The following TMC1 variants were observed in gnomAD, a reference collection of about 807,000 sequenced individuals.
TMC1 encodes transmembrane channel like 1, also known as transmembrane channel-like protein 1.
In TMC1, 84 loss-of-function variants were observed where a neutral mutation model predicts 105.8. The ratio of observed to expected loss-of-function variants is 0.79; its 90% confidence interval spans 0.67 to 0.95. The LOEUF is 0.95. TMC1 is among the 40% of genes least tolerant of loss of function. The pLI, the probability that TMC1 is intolerant of heterozygous loss-of-function variation, is 0.00. For missense variants in TMC1, 817 were observed against 914.1 expected (o/e 0.89, Z 1.37); for synonymous variants, 315 against 311.5 (o/e 1.01, Z -0.12).
chr9:72,744,123 T>C (rs1232266733), intron 10 of TMC1, among the ~76,000 whole-genome samples: 1 of 152,210 alleles, frequency 6.6e-6, no homozygotes, highest in African/African-American at 2.4e-5. Flanking sequence ...ATGGGAATTA[T>C]TAAGTGGCAA....
intron 1 of TMC1, among the ~76,000 whole-genome samples, chr9:72,550,113 G>T (rs1042177163): frequency 1.3e-5 from 2 of 152,020 alleles, no homozygotes; most frequent in East Asian, 3.9e-4. Context: ...AGGACAAATT[G>T]CCCTGATATC....
chr9:72,610,242 A>G (rs1825001975), intron 2 of TMC1, among the ~76,000 whole-genome samples: 2 of 152,226 alleles, frequency 1.3e-5, no homozygotes, highest in African/African-American at 2.4e-5. Flanking sequence ...AGAAGATTAT[A>G]TTAGTCAGGG....
intron 12 of TMC1, among the ~76,000 whole-genome samples, chr9:72,759,631 C>G (rs1007563796): frequency 6.6e-6 from 1 of 152,124 alleles, no homozygotes; most frequent in African/African-American, 2.4e-5. Context: ...GACTCTGAAG[C>G]CTAGGACAAG....
intron 19 of TMC1, among the ~76,000 whole-genome samples, chr9:72,817,639 TTC>T (rs1356848523): frequency 6.6e-6 from 1 of 152,210 alleles, no homozygotes; most frequent in Non-Finnish European, 1.5e-5. Context: ...GTCGATTGTG[TTC>T]TTTCAGAGTT....
intron 2 of TMC1, among the ~76,000 whole-genome samples, chr9:72,598,836 G>T (rs1038671213): frequency 3.9e-5 from 6 of 152,250 alleles, no homozygotes; most frequent in Admixed American, 3.9e-4. Flanking sequence ...TCCTTTTCCT[G>T]TACATTTGGG....
At chr9:72,689,561 A>C (rs1278805396) in intron 6 of TMC1, among the ~76,000 whole-genome samples, 1 of 152,050 alleles carries the variant, frequency 6.6e-6, no homozygotes, top group Non-Finnish European at 1.5e-5. Context: ...TTCCTACTAT[A>C]ATTATATTGC....
intron 8 of TMC1, among the ~76,000 whole-genome samples, chr9:72,725,339 A>G (rs899209913): frequency 0.01 from 928 of 89,086 alleles, 22 homozygotes; most frequent in African/African-American, 0.032. Context: ...ATATATATAT[A>G]TATATATATA....
At chr9:72,679,432 G>C (rs534196158) in intron 5 of TMC1, among the ~76,000 whole-genome samples, 2 of 151,554 alleles carry the variant, frequency 1.3e-5, no homozygotes, top group African/African-American at 4.8e-5. Flanking sequence ...ACTTAAACAA[G>C]AGCATTTGTT....
chr9:72,726,419 C>T (rs1255422059), intron 8 of TMC1, among the ~76,000 whole-genome samples: 1 of 152,098 alleles, frequency 6.6e-6, no homozygotes, highest in Non-Finnish European at 1.5e-5. Flanking sequence ...TGCTTGGTCA[C>T]AGGGATCAGG....
At chr9:72,627,036 T>TTG (rs1380657022) in intron 3 of TMC1, among the ~76,000 whole-genome samples, 1 of 152,014 alleles carries the variant, frequency 6.6e-6, no homozygotes, top group Non-Finnish European at 1.5e-5. Flanking sequence ...GTTGGTTTTT[T>TTG]TTTTTTTTTT....
intron 11 of TMC1, among the ~76,000 whole-genome samples, 190 bp downstream of exon 11, chr9:72,752,146 G>C (rs1827590290): frequency 6.6e-6 from 1 of 152,132 alleles, no homozygotes; most frequent in Non-Finnish European, 1.5e-5. Context: ...TAAAGGGGGT[G>C]TAAGCCTCTT....
intron 1 of TMC1, among the ~76,000 whole-genome samples, chr9:72,563,384 T>TC (rs1824091922): frequency 1.3e-5 from 2 of 152,138 alleles, no homozygotes; most frequent in Admixed American, 6.5e-5. Flanking sequence ...AAGAGCAGAC[T>TC]CCAAGGGGCC....
chr9:72,692,892 G>A lies in TMC1; in HGVS notation c.65-1651G>A, dbSNP rs377539121. 1.7e-4 allele frequency among the ~76,000 whole-genome samples: 26 copies of A among 152,234 alleles called. No homozygotes were observed. The East Asian group carries it at 3.5e-3, about 20-fold the overall frequency. On this transcript the variant is annotated intron_variant, in intron 6 of 23. Coordinates refer to ENST00000297784, the MANE Select transcript of TMC1 (RefSeq NM_138691.3). ...CCAGCACTTTGGGAGGCCAAGGCAG[G>A]TGAATCACTTGAGGCCAGGAGTTCA...
intron 2 of TMC1, among the ~76,000 whole-genome samples, chr9:72,582,969 C>T (rs1457006639): frequency 6.6e-6 from 1 of 152,016 alleles, no homozygotes. Flanking sequence ...GCCTGTAATC[C>T]CAGCAGTTTG....
chr9:72,746,110 C>T lies in TMC1; in HGVS notation c.535+3585C>T, dbSNP rs116559203. Among the ~76,000 whole-genome samples the T allele has an allele frequency of 8.5e-3, 1,292 of 152,248 alleles. 22 individuals are homozygous for T. The highest frequency in any genetic ancestry group is 0.028 in the African/African-American group (1,155 of 41,554). ...AAATAAAGTTGGTTAAGTGTGTACC[C>T]TACTTATAGAATACATATTTAATTA... On this transcript the variant is annotated intron_variant, in intron 10 of 23. Coordinates refer to ENST00000297784, the MANE Select transcript of TMC1 (RefSeq NM_138691.3).
At chr9:72,695,524 A>G (rs1200072622) in intron 7 of TMC1, among the ~76,000 whole-genome samples, 5 of 145,742 alleles carry the variant, frequency 3.4e-5, no homozygotes, top group African/African-American at 7.7e-5. Flanking sequence ...CTGTTCCACA[A>G]CTCACAGGTA....
intron 23 of TMC1, among the ~76,000 whole-genome samples, chr9:72,834,667 A>G (rs1829093767): frequency 6.6e-6 from 1 of 152,038 alleles, no homozygotes; most frequent in Non-Finnish European, 1.5e-5. Flanking sequence ...CCCTCTTTTT[A>G]CTGCGGCACT....
chr9:72,725,211 T>A (rs1260707003), intron 8 of TMC1, among the ~76,000 whole-genome samples: 1 of 151,296 alleles, frequency 6.6e-6, no homozygotes. Flanking sequence ...AGTTAAACTT[T>A]ATTAAAATGC....
At chr9:72,739,901 TA>T (rs1488111901) in intron 8 of TMC1, among the ~76,000 whole-genome samples, 1 of 152,222 alleles carries the variant, frequency 6.6e-6, no homozygotes, top group African/African-American at 2.4e-5. Context: ...AGCTGATTAG[TA>T]AGTGAGACTA....
Sources: allele counts gnomAD v4.1 joint callset (sites outside exome capture counted in the v4.1 genomes callset), GRCh38; gene constraint gnomAD v4.1.1; transcripts MANE v1.5; gene names NCBI Gene and HGNC (gene_info 2026-07-23, HGNC 2026-07-21).